ORC5: variants seen among roughly 807,000 people sequenced by gnomAD.
ORC5 encodes the protein protein phosphatase 1, regulatory subunit 117.
A neutral mutation model predicts 58.8 loss-of-function variants in ORC5; 39 were observed. The observed-to-expected ratio is 0.66, with a 90% CI of 0.51 to 0.87. The LOEUF (loss-of-function observed/expected upper bound fraction) is 0.87, where lower values mean the gene tolerates loss of function less well. Among genes scored for constraint, ORC5 ranks in the 40% least tolerant of loss-of-function variants. The pLI is 0.00. For synonymous variants in ORC5, 218 were observed against 177.6 expected (o/e 1.23, Z -1.81); for missense variants, 493 against 506.3 (o/e 0.97, Z 0.25).
chr7:104,128,467 T>C (rs1798463528), intron 13 of ORC5, among the ~76,000 whole-genome samples: 1 of 152,152 alleles, frequency 6.6e-6, no homozygotes, highest in Non-Finnish European at 1.5e-5. Context: ...GAAAAGATCT[T>C]ATTTAGAGGA....
At chr7:104,197,891 T>C (rs1369480024) in intron 3 of ORC5, 92 bp from the exon 4 acceptor site, 10 of 726,904 alleles carry the variant, frequency 1.4e-5, no homozygotes, top group Non-Finnish European at 2.2e-5. Context: ...AAAGTTCATG[T>C]GTTGGAACTT....
chr7:104,186,875 A>G (rs1025058651), intron 6 of ORC5, among the ~76,000 whole-genome samples: 5 of 152,210 alleles, frequency 3.3e-5, no homozygotes, highest in African/African-American at 1.2e-4. Flanking sequence ...TATGAATATT[A>G]TTTTTTAAAA....
intron 12 of ORC5, among the ~76,000 whole-genome samples, chr7:104,159,242 C>T (rs1162554630): frequency 2.1e-5 from 3 of 145,376 alleles, no homozygotes; most frequent in Non-Finnish European, 4.5e-5. Context: ...AAACCAAACA[C>T]CGCATGTTCT....
At chr7:104,154,686 C>T (rs750127441) in intron 12 of ORC5, among the ~76,000 whole-genome samples, 22 of 151,430 alleles carry the variant, frequency 1.5e-4, no homozygotes, top group Non-Finnish European at 2.4e-4. Flanking sequence ...AATTTAATTC[C>T]AACCATGGAA....
chr7:104,203,619 G>A (rs1800000327), intron 2 of ORC5, among the ~76,000 whole-genome samples: 1 of 152,114 alleles, frequency 6.6e-6, no homozygotes, highest in Admixed American at 6.6e-5. Context: ...GCACTAACTG[G>A]TGAATCCAAA....
At chr7:104,197,894 T>G (rs1039704471) in intron 3 of ORC5, 95 bp from the exon 4 acceptor site, 4 of 699,696 alleles carry the variant, frequency 5.7e-6, no homozygotes, top group Non-Finnish European at 9.4e-6. Context: ...GTTCATGTGT[T>G]GGAACTTAAT....
chr7:104,191,622 G>A (rs1230514368), intron 5 of ORC5, among the ~76,000 whole-genome samples: 3 of 150,774 alleles, frequency 2.0e-5, no homozygotes, highest in African/African-American at 7.3e-5. Flanking sequence ...AAGTAACCTA[G>A]CAACTTGTTT....
intron 8 of ORC5, among the ~76,000 whole-genome samples, chr7:104,179,559 T>C (rs538806495): frequency 6.6e-6 from 1 of 152,038 alleles, no homozygotes; most frequent in African/African-American, 2.4e-5. Context: ...TTCCTAAGTA[T>C]TGATCTGCTC....
intron 12 of ORC5, among the ~76,000 whole-genome samples, chr7:104,159,520 CA>C (rs200032572): frequency 0.16 from 20,592 of 125,380 alleles, 1,521 homozygotes; most frequent in East Asian, 0.2. Flanking sequence ...TAGAGAAAGC[CA>C]AAAAAAAAAA....
chr7:104,168,488 G>C lies in ORC5; in HGVS notation c.862C>G (p.Pro288Ala). The change falls in exon 9 of 14, where the codon CCG becomes GCG. Residue 288 changes from proline to alanine, a missense_variant. Pro to Ala is a conservative substitution (Grantham distance 27, BLOSUM62 -1). Around this residue, in one of 3 missense-constraint regions of ORC5, gnomAD observed 412 missense variants for 403.7 expected, o/e 1.02. Transcript: ENST00000297431. The stretch of plus-strand genomic sequence containing the variant: ...CCTCTGATACCTTTCAGTTGCCCCG[G>C]ATCTGTGTCATCTTTCTGTAGCTTT... ...WEKLQKDDTD[P>A]GQLKGLSAHT... 6.3e-7 allele frequency: 1 copy of C among 1,596,504 alleles called. No individual in the cohort carries two copies. The highest frequency in any genetic ancestry group is 8.5e-7 in the Non-Finnish European group (1 of 1,173,140).
chr7:104,165,369 T>C (rs1799090748), intron 10 of ORC5, 87 bp from the exon 11 acceptor site: 2 of 734,724 alleles, frequency 2.7e-6, no homozygotes, highest in African/African-American at 3.6e-5. Flanking sequence ...ATGGCACACA[T>C]AATACTAATC....
At chr7:104,202,737 C>T (rs964049797) in intron 2 of ORC5, among the ~76,000 whole-genome samples, 15 of 152,182 alleles carry the variant, frequency 9.9e-5, no homozygotes, top group Admixed American at 9.8e-4. Flanking sequence ...GGACCAAGAC[C>T]TTGTACACTC....
chr7:104,140,230 T>C (rs1262126657), intron 12 of ORC5, among the ~76,000 whole-genome samples: 1 of 152,168 alleles, frequency 6.6e-6, no homozygotes, highest in Non-Finnish European at 1.5e-5. Flanking sequence ...TGACAACTTT[T>C]ACCTTTCATT....
Position 104,136,827 on chromosome 7 carries a change from T to C in ORC5, c.1216A>G (p.Lys406Glu). The C allele has an allele frequency of 6.2e-7, 1 of 1,614,014 alleles. No homozygotes were observed. The highest frequency in any genetic ancestry group is 8.5e-7 in the Non-Finnish European group (1 of 1,179,880). Residue 406 changes from lysine (K) to glutamate (E), a missense_variant, in exon 13 of 14, where the codon AAA (lysine) becomes GAA (glutamate). Coordinates refer to ENST00000297431, the MANE Select transcript of ORC5 (RefSeq NM_002553.4). This position sits in a 1 kb window ranked among gnomAD's most constrained non-coding sequence, Gnocchi z 4.2. ...TCTAGAGACACTGTGCATTTGTATT[T>C]TGGTCCATCAAGCTGATCGTCATGG... ...VGHDDQLDGP[K>E]YKCTVSLDFI...
intron 5 of ORC5, among the ~76,000 whole-genome samples, chr7:104,190,771 A>G (rs1483224918): frequency 6.6e-6 from 1 of 151,990 alleles, no homozygotes; most frequent in Non-Finnish European, 1.5e-5. Context: ...GTTTTTTGCA[A>G]AAATTACAAG....
chr7:104,147,045 G>T (rs139891199), intron 12 of ORC5, among the ~76,000 whole-genome samples: 5 of 152,236 alleles, frequency 3.3e-5, no homozygotes, highest in Non-Finnish European at 5.9e-5. Context: ...AGGGCTTTGA[G>T]AAATACCTTG....
chr7:104,204,116 G>T lies in ORC5; in HGVS notation c.165+26C>A, dbSNP rs752889560. 26 of 1,316,594 alleles carry T rather than the reference G, an allele frequency of 2.0e-5. No individual in the cohort carries two copies. The South Asian group carries it at 2.0e-4, about 10-fold the overall frequency. The allele number at this position is 1,316,594 out of a possible 1,614,324, so 81.6% of individuals were successfully genotyped here. The stretch of plus-strand genomic sequence containing the variant: ...AATATTATACACTAAAAATGGCAAA[G>T]AAATATTTAATATTTTTATTCTTAC... On this transcript the variant is annotated intron_variant, in intron 2 of 13. Transcript: ENST00000297431.
Position 104,207,898 on chromosome 7 carries a change from G to T in ORC5, c.7C>A (p.His3Asn). MP[H>N]LENVVLCRES... ...CGACAAAGCACCACGTTTTCCAAGTGGGGCATTCTGGCAGGCACCACCGCA... is the reference window on the plus strand; with the variant it reads ...CGACAAAGCACCACGTTTTCCAAGTTGGGCATTCTGGCAGGCACCACCGCA... Residue 3 changes from histidine to asparagine, a missense_variant, in exon 1 of 14, where the codon CAC (histidine) becomes AAC (asparagine). Around this residue, in one of 3 missense-constraint regions of ORC5, gnomAD observed 412 missense variants for 403.7 expected, o/e 1.02. Transcript: ENST00000297431. The T allele has an allele frequency of 6.2e-7, 1 of 1,614,108 alleles. No individual in the cohort carries two copies. Among genetic ancestry groups the T allele is most frequent in the Non-Finnish European group, 8.5e-7 (1 of 1,179,998 alleles).
chr7:104,167,578 T>C (rs1752862136), intron 9 of ORC5, among the ~76,000 whole-genome samples: 1 of 152,180 alleles, frequency 6.6e-6, no homozygotes, highest in Admixed American at 6.5e-5. Flanking sequence ...AAATAACTGA[T>C]GAATGGATAA....
Sources: allele counts gnomAD v4.1 joint callset (sites outside exome capture counted in the v4.1 genomes callset), GRCh38; gene constraint gnomAD v4.1.1; regional missense constraint gnomAD v4.1.1; non-coding constraint Gnocchi (gnomAD v3.1); transcripts MANE v1.5; gene names NCBI Gene and HGNC (gene_info 2026-07-23, HGNC 2026-07-21).